The following RBFOX1 variants were observed in gnomAD, a reference collection of about 807,000 sequenced individuals.
The protein encoded by RBFOX1 is RNA binding fox-1 homolog 1, also known as RNA binding protein fox-1 homolog 1.
In RBFOX1, 8 loss-of-function variants were observed where a neutral mutation model predicts 57.7. The ratio of observed to expected loss-of-function variants is 0.14; its 90% CI spans 0.08 to 0.25. The LOEUF (loss-of-function observed/expected upper bound fraction) is 0.25. Ranked by LOEUF, RBFOX1 falls within the 10% of genes least tolerant of loss-of-function variation. The pLI, the probability that RBFOX1 is intolerant of heterozygous loss-of-function variation, is 1.00. For missense variants in RBFOX1, 611 were observed against 548.5 expected, an observed-to-expected ratio of 1.11 and a Z score of -1.14; for synonymous variants, 326 against 222.4, an observed-to-expected ratio of 1.47 and a Z score of -4.15.
intron 4 of RBFOX1, among the ~76,000 whole-genome samples, chr16:7,202,360 C>T (rs1172653143): frequency 2.7e-5 from 4 of 150,892 alleles, no homozygotes; most frequent in Admixed American, 2.6e-4. Context: ...AAAATTGGAC[C>T]CATTACGCCC....
chr16:6,829,575 CAT>C (rs2092539379), intron 3 of RBFOX1, among the ~76,000 whole-genome samples: 1 of 150,902 alleles, frequency 6.6e-6, no homozygotes, highest in Non-Finnish European at 1.5e-5. Context: ...TTTGCATAAT[CAT>C]GTGAGTAATA....
intron 1 of RBFOX1, among the ~76,000 whole-genome samples, chr16:6,186,565 T>C (rs2097106635): frequency 6.6e-6 from 1 of 152,062 alleles, no homozygotes; most frequent in Non-Finnish European, 1.5e-5. Context: ...GAACTGGACA[T>C]TGCCCTAGCT....
At chr16:5,669,439 T>TTC (rs139842007) in intron 3 of RBFOX1, among the ~76,000 whole-genome samples, 1 of 150,694 alleles carries the variant, frequency 6.6e-6, no homozygotes, top group Non-Finnish European at 1.5e-5. Context: ...TTTTTTTTTT[T>TTC]TGGAGACAGA....
intron 1 of RBFOX1, among the ~76,000 whole-genome samples, chr16:5,350,375 CT>C (rs1468437288): frequency 6.6e-6 from 1 of 152,202 alleles, no homozygotes; most frequent in East Asian, 1.9e-4. Context: ...GCTGTTGGCT[CT>C]GGTTGATAGA....
chr16:6,578,598 C>CGTGTGTGTGTGCGTGTGTGTGTGTGTGT (rs2097482995), intron 2 of RBFOX1, among the ~76,000 whole-genome samples: 2 of 110,666 alleles, frequency 1.8e-5, no homozygotes, highest in Non-Finnish European at 4.1e-5. Context: ...GGTGTGTGTG[C>CGTGTGTGTGTGCGTGTGTGTGTGTGTGT]GTGTGTGTGT....
chr16:7,380,675 A>G (rs754605987), intron 4 of RBFOX1, among the ~76,000 whole-genome samples: 8 of 152,268 alleles, frequency 5.3e-5, no homozygotes, highest in Non-Finnish European at 8.8e-5. Flanking sequence ...TGTCTTTGCT[A>G]GGACGATAAC....
chr16:6,506,624 A>ATTTTTTTTTTTTTT (rs71145238), intron 2 of RBFOX1, among the ~76,000 whole-genome samples: 5 of 98,458 alleles, frequency 5.1e-5, no homozygotes, highest in African/African-American at 2.2e-4. Context: ...ACAGTAGCTA[A>ATTTTTTTTTTTTTT]TTTTTTTTTT....
At chr16:7,368,584 C>T (rs1206113803) in intron 4 of RBFOX1, among the ~76,000 whole-genome samples, 1 of 151,934 alleles carries the variant, frequency 6.6e-6, no homozygotes, top group Non-Finnish European at 1.5e-5. Flanking sequence ...CAAGACCATC[C>T]TGGCTAACAC....
At chr16:6,089,097 G>A (rs1018820324) in intron 1 of RBFOX1, among the ~76,000 whole-genome samples, 1 of 148,060 alleles carries the variant, frequency 6.8e-6, no homozygotes, top group Non-Finnish European at 1.5e-5. Context: ...ATATATATAT[G>A]ATCCTAAAAA....
intron 2 of RBFOX1, among the ~76,000 whole-genome samples, chr16:6,441,373 G>C (rs558813936): frequency 2.0e-5 from 3 of 152,044 alleles, no homozygotes; most frequent in Non-Finnish European, 4.4e-5. Context: ...CTGACTGCTT[G>C]TCAGCTTCGT....
At chr16:5,686,343 A>G (rs1371234038) in intron 3 of RBFOX1, among the ~76,000 whole-genome samples, 1 of 152,180 alleles carries the variant, frequency 6.6e-6, no homozygotes, top group Non-Finnish European at 1.5e-5. Context: ...GTGACAAAAT[A>G]TAATTTGTAG....
intron 4 of RBFOX1, among the ~76,000 whole-genome samples, chr16:7,161,291 G>A (rs1005186596): frequency 6.6e-6 from 1 of 151,626 alleles, no homozygotes; most frequent in Non-Finnish European, 1.5e-5. Context: ...GGGGAATGCA[G>A]TATGTGTAAG....
chr16:7,236,892 T>G (rs1292517973), intron 4 of RBFOX1, among the ~76,000 whole-genome samples: 1 of 152,114 alleles, frequency 6.6e-6, no homozygotes, highest in Admixed American at 6.5e-5. Flanking sequence ...GAATGGCTGT[T>G]GTTGGGAGGA....
At chr16:7,210,008 G>C (rs2090805396) in intron 4 of RBFOX1, among the ~76,000 whole-genome samples, 1 of 152,158 alleles carries the variant, frequency 6.6e-6, no homozygotes. Context: ...CTCTAAAAAT[G>C]ATCATTCTCC....
At chr16:6,806,565 T>G (rs1160532192) in intron 3 of RBFOX1, among the ~76,000 whole-genome samples, 1 of 151,922 alleles carries the variant, frequency 6.6e-6, no homozygotes, top group Non-Finnish European at 1.5e-5. Flanking sequence ...AGAAATGGAT[T>G]TTAAAGAGCC....
intron 4 of RBFOX1, among the ~76,000 whole-genome samples, chr16:7,386,834 A>G (rs2097891454): frequency 6.6e-6 from 1 of 152,092 alleles, no homozygotes; most frequent in Admixed American, 6.5e-5. Context: ...ACTAATTTAC[A>G]CTCCTACCAA....
intron 1 of RBFOX1, among the ~76,000 whole-genome samples, chr16:5,466,148 G>A (rs2068946219): frequency 6.6e-6 from 1 of 152,252 alleles, no homozygotes; most frequent in Non-Finnish European, 1.5e-5. Context: ...GAATACGGCA[G>A]AAGCGCAAGC....
At chr16:6,639,465 G>A (rs72762963) in intron 2 of RBFOX1, among the ~76,000 whole-genome samples, 2,034 of 152,212 alleles carry the variant, frequency 0.013, 19 homozygotes, top group Non-Finnish European at 0.022. Context: ...GACTGAAATA[G>A]TAATGACCCG....
At chr16:7,459,260 G>T (rs776742138) in intron 4 of RBFOX1, among the ~76,000 whole-genome samples, 10 of 152,138 alleles carry the variant, frequency 6.6e-5, no homozygotes, top group Non-Finnish European at 8.8e-5. Flanking sequence ...TTGAGTTTTA[G>T]GATGGATACC....
Sources: gnomAD v4.1 joint callset for allele counts (sites outside exome capture counted in the v4.1 genomes callset) on GRCh38, gnomAD v4.1.1 for gene constraint, MANE v1.5 for transcripts, NCBI Gene and HGNC (gene_info 2026-07-23, HGNC 2026-07-21) for gene names.